ENOX1: variants seen among roughly 807,000 people sequenced by gnomAD.
ENOX1 encodes candidate growth-related and time keeping constitutive hydroquinone (NADH) oxidase.
Under a neutral mutation model 82.5 loss-of-function variants are expected in ENOX1, and 42 were observed. The ratio of observed to expected loss-of-function variants is 0.51; its 90% confidence interval spans 0.40 to 0.66. The LOEUF (loss-of-function observed/expected upper bound fraction) is 0.66, where lower values mean the gene tolerates loss of function less well. Among genes scored for constraint, ENOX1 ranks in the 30% least tolerant of loss-of-function variants. ENOX1 has a pLI of 0.00. For synonymous variants in ENOX1, 271 were observed against 282.2 expected (o/e 0.96, Z 0.40); for missense variants, 608 against 811.6 (o/e 0.75, Z 3.05).
At chr13:43,301,049 G>A (rs2046547429) in intron 11 of ENOX1, among the ~76,000 whole-genome samples, 1 of 152,208 alleles carries the variant, frequency 6.6e-6, no homozygotes, top group Non-Finnish European at 1.5e-5. Flanking sequence ...TGAGAGGGAT[G>A]TTGTAATAGG....
rs1566480848 is a variant in ENOX1, at chr13:43,538,833, CT to C, written c.-218-54682del. 2.7e-3 allele frequency among the ~76,000 whole-genome samples: 412 copies of C among 151,678 alleles called. 1 individual carries two copies. The highest frequency in any genetic ancestry group is 9.5e-3 in the African/African-American group (394 of 41,314). The stretch of plus-strand genomic sequence containing the variant: ...AAACATTTGCCTTTCCTCCCCGCCC[CT>C]GCCCTTTTGGAGACGGGGTCTCACT... On this transcript the variant is annotated intron_variant, in intron 2 of 16. Coordinates refer to ENST00000690772, the MANE Select transcript of ENOX1 (RefSeq NM_001347969.2).
At chr13:43,695,922 C>T (rs1196117304) in intron 1 of ENOX1, among the ~76,000 whole-genome samples, 1 of 151,978 alleles carries the variant, frequency 6.6e-6, no homozygotes, top group African/African-American at 2.4e-5. Context: ...CAAAAGAAAC[C>T]CCATATCCAT....
chr13:43,224,750 G>T (rs562605561), intron 15 of ENOX1, among the ~76,000 whole-genome samples: 2 of 152,274 alleles, frequency 1.3e-5, no homozygotes, highest in African/African-American at 4.8e-5. Flanking sequence ...CATTTTAAAA[G>T]GTCTGGGAAT....
intron 1 of ENOX1, among the ~76,000 whole-genome samples, chr13:43,731,527 G>GTTTT (rs5803210): frequency 6.8e-6 from 1 of 147,854 alleles, no homozygotes; most frequent in Non-Finnish European, 1.5e-5. Context: ...TCCTGTTTTT[G>GTTTT]TTTTTTTTTT....
chr13:43,257,783 T>C (rs1378389584), intron 14 of ENOX1, among the ~76,000 whole-genome samples: 1 of 152,250 alleles, frequency 6.6e-6, no homozygotes, highest in African/African-American at 2.4e-5. Flanking sequence ...GGTAGGATTA[T>C]CATGAACCTT....
At chr13:43,724,903 TG>T (rs2088832363) in intron 1 of ENOX1, among the ~76,000 whole-genome samples, 1 of 152,206 alleles carries the variant, frequency 6.6e-6, no homozygotes, top group African/African-American at 2.4e-5. Context: ...TGCTTCTTCT[TG>T]CTATGAATGC....
In ENOX1 at chr13:43,359,019, A is replaced by G. The variant is rs1594128564; in HGVS notation, c.589+832T>C. On this transcript the variant is annotated intron_variant, in intron 7 of 16. Coordinates refer to ENST00000690772, the MANE Select transcript of ENOX1 (RefSeq NM_001347969.2). ...CAGAATTTCGTGGCAATAGAGGTGG[A>G]CTGCAGAAATTAAGTAAAACCTGGC... is the stretch of plus-strand genomic sequence containing the variant. Among the ~76,000 whole-genome samples, 5 of 152,320 alleles carry G rather than the reference A, an allele frequency of 3.3e-5. 1 individual carries two copies. In the South Asian group the frequency reaches 1.0e-3, roughly 32 times the overall value.
At chr13:43,564,995 C>T (rs900394266) in intron 2 of ENOX1, among the ~76,000 whole-genome samples, 2 of 152,168 alleles carry the variant, frequency 1.3e-5, no homozygotes, top group African/African-American at 4.8e-5. Context: ...AACAAGGTCT[C>T]TACTCTCGTG....
At chr13:43,686,266 G>A (rs923737643) in intron 1 of ENOX1, among the ~76,000 whole-genome samples, 1 of 152,106 alleles carries the variant, frequency 6.6e-6, no homozygotes. Context: ...CAAAGTGTAG[G>A]AAGCTTTAGT....
chr13:43,293,975 T>A (rs2046154770), intron 12 of ENOX1, among the ~76,000 whole-genome samples: 1 of 152,222 alleles, frequency 6.6e-6, no homozygotes, highest in South Asian at 2.1e-4. Flanking sequence ...ACTTAATTTC[T>A]AAAATGCTTT....
intron 14 of ENOX1, among the ~76,000 whole-genome samples, chr13:43,252,611 CTGAATTAGGAACACG>C (rs2043520975): frequency 6.6e-6 from 1 of 152,176 alleles, no homozygotes; most frequent in Non-Finnish European, 1.5e-5. Context: ...TTTGCTCTGC[CTGAATTAGGAACACG>C]TGGAGGAGAT....
chr13:43,682,068 T>C (rs2085816737), intron 1 of ENOX1, among the ~76,000 whole-genome samples: 1 of 152,166 alleles, frequency 6.6e-6, no homozygotes, highest in Non-Finnish European at 1.5e-5. Context: ...CAGAGCCTTA[T>C]AATAATATAT....
chr13:43,684,359 C>T (rs1350918080), intron 1 of ENOX1, among the ~76,000 whole-genome samples: 1 of 152,098 alleles, frequency 6.6e-6, no homozygotes, highest in African/African-American at 2.4e-5. Flanking sequence ...AAGGATTTCA[C>T]TCAGCTATAT....
At chr13:43,306,271 G>T (rs1486906351) in intron 11 of ENOX1, among the ~76,000 whole-genome samples, 1 of 152,214 alleles carries the variant, frequency 6.6e-6, no homozygotes, top group Non-Finnish European at 1.5e-5. Flanking sequence ...AGGCGAGCAG[G>T]CTGCTTCCTA....
At chr13:43,657,690 A>T (rs1175439788) in intron 2 of ENOX1, among the ~76,000 whole-genome samples, 1 of 152,246 alleles carries the variant, frequency 6.6e-6, no homozygotes, top group African/African-American at 2.4e-5. Context: ...AGCGCCTGGT[A>T]GGCAAAGCTA....
chr13:43,711,483 GA>G (rs898302233), intron 1 of ENOX1, among the ~76,000 whole-genome samples: 1 of 152,152 alleles, frequency 6.6e-6, no homozygotes, highest in African/African-American at 2.4e-5. Flanking sequence ...CTAGATCCCT[GA>G]GGAATCACCA....
chr13:43,605,847 A>T (rs901217901), intron 2 of ENOX1, among the ~76,000 whole-genome samples: 5 of 152,218 alleles, frequency 3.3e-5, no homozygotes, highest in Non-Finnish European at 4.4e-5. Flanking sequence ...AGCAAAGGAA[A>T]CAATCAACAA....
intron 1 of ENOX1, among the ~76,000 whole-genome samples, chr13:43,747,052 G>A (rs1174161109): frequency 6.6e-6 from 1 of 152,140 alleles, no homozygotes; most frequent in African/African-American, 2.4e-5. Flanking sequence ...TTAGCAAGCT[G>A]GGAATGGTGA....
intron 2 of ENOX1, among the ~76,000 whole-genome samples, chr13:43,502,220 A>G (rs1015438966): frequency 1.3e-5 from 2 of 151,716 alleles, no homozygotes; most frequent in Non-Finnish European, 3.0e-5. Flanking sequence ...AGGAGAGCTA[A>G]TAAGTAATCA....
Sources: gnomAD v4.1 joint callset for allele counts (sites outside exome capture counted in the v4.1 genomes callset) on GRCh38, gnomAD v4.1.1 for gene constraint, MANE v1.5 for transcripts, NCBI Gene and HGNC (gene_info 2026-07-23, HGNC 2026-07-21) for gene names.